MYLK: variants seen among roughly 807,000 people sequenced by gnomAD.
MYLK encodes the protein myosin light chain kinase, smooth muscle.
Under a neutral mutation model 203.4 loss-of-function variants are expected in MYLK, and 106 were observed. The ratio of observed to expected loss-of-function variants is 0.52; its 90% CI spans 0.45 to 0.61. The LOEUF (loss-of-function observed/expected upper bound fraction) is 0.61, where lower values mean the gene tolerates loss of function less well. MYLK is among the 20% of genes least tolerant of loss of function. The pLI, the probability that MYLK is intolerant of heterozygous loss-of-function variation, is 0.00. For synonymous variants in MYLK, 867 were observed against 959.5 expected, an observed-to-expected ratio of 0.90 and a Z score of 1.78; for missense variants, 2,072 against 2,442.3, an observed-to-expected ratio of 0.85 and a Z score of 3.20.
intron 2 of MYLK, among the ~76,000 whole-genome samples, chr3:123,873,401 T>C (rs2148714276): frequency 6.6e-6 from 1 of 152,242 alleles, no homozygotes; most frequent in East Asian, 1.9e-4. Flanking sequence ...ATGATGTCTG[T>C]TTTCACCACT....
At chr3:123,858,673 A>T (rs972987865) in intron 2 of MYLK, among the ~76,000 whole-genome samples, 3 of 152,024 alleles carry the variant, frequency 2.0e-5, no homozygotes, top group African/African-American at 7.2e-5. Context: ...CTATTCATTA[A>T]CCTATTAATC....
chr3:123,806,081 T>C lies in MYLK; in HGVS notation c.-3-12237A>G, dbSNP rs550277547. ...AATAGATTATTAATTCATGCTTTTA[T>C]TTTTATTTTATTTTTTAATTCATGC... On this transcript the variant is annotated intron_variant, in intron 3 of 33. Transcript: ENST00000360304. Among the ~76,000 whole-genome samples, 8 of 151,692 alleles carry C rather than the reference T, an allele frequency of 5.3e-5. No individual in the cohort carries two copies. In the East Asian group the frequency reaches 1.5e-3, roughly 29 times the overall value.
At chr3:123,777,625 G>A (rs1222339205) in intron 4 of MYLK, among the ~76,000 whole-genome samples, 4 of 152,232 alleles carry the variant, frequency 2.6e-5, no homozygotes, top group Non-Finnish European at 5.9e-5. Context: ...ATGAGGCGAA[G>A]AGCAGTGAGA....
chr3:123,637,004 C>T (rs569539935), intron 29 of MYLK, among the ~76,000 whole-genome samples: 1 of 152,322 alleles, frequency 6.6e-6, no homozygotes, highest in South Asian at 2.1e-4. Context: ...CCTGGCTATG[C>T]ATCAGAATCG....
chr3:123,662,518 A>G (rs1414217473), intron 23 of MYLK, among the ~76,000 whole-genome samples: 3 of 152,200 alleles, frequency 2.0e-5, no homozygotes, highest in African/African-American at 7.2e-5. Flanking sequence ...AATAGAGTCG[A>G]GGAATCAGAA....
At chr3:123,635,331 C>T (rs896747958) in intron 29 of MYLK, among the ~76,000 whole-genome samples, 3 of 152,236 alleles carry the variant, frequency 2.0e-5, no homozygotes, top group Non-Finnish European at 4.4e-5. Flanking sequence ...ATCTCCTTGG[C>T]GCCAATGTTT....
At chr3:123,710,423 T>C (rs2061645770) in intron 13 of MYLK, among the ~76,000 whole-genome samples, 1 of 152,216 alleles carries the variant, frequency 6.6e-6, no homozygotes, top group African/African-American at 2.4e-5. Flanking sequence ...ACAATACATC[T>C]TGGTGTCTCT....
At chr3:123,716,256 C>T (rs1397725787) in intron 13 of MYLK, 1 of 152,244 alleles carries the variant, frequency 6.6e-6, no homozygotes, top group Non-Finnish European at 1.5e-5. Context: ...ACAGCCCCTT[C>T]CCATTTCCAG....
At position 123,734,051 on chromosome 3, in the gene MYLK, C is replaced by CT; in HGVS notation, c.944dup (p.Pro316AlafsTer85). The CT allele has an allele frequency of 6.2e-7, 1 of 1,613,950 alleles. No homozygotes were observed. The highest frequency in any genetic ancestry group is 2.2e-5 in the East Asian group (1 of 44,864). ...ACTCCAGCTTGGACTCCCTTGGGGG[C>CT]TGAGGCTGGCTGTTTGCAGCCCAGG... On this transcript the variant is annotated frameshift_variant, in exon 10 of 34. Transcript: ENST00000360304. LOFTEE classifies it high-confidence loss of function.
intron 2 of MYLK, among the ~76,000 whole-genome samples, chr3:123,875,521 T>C (rs561973498): frequency 1.3e-5 from 2 of 152,350 alleles, no homozygotes; most frequent in East Asian, 3.9e-4. Context: ...GGAGCTCTTC[T>C]GTATCTCAAT....
chr3:123,714,141 C>T (rs916531877), intron 13 of MYLK, among the ~76,000 whole-genome samples: 1 of 152,294 alleles, frequency 6.6e-6, no homozygotes, highest in East Asian at 1.9e-4. Context: ...TTCAGTGTTA[C>T]CCTCAACATC....
intron 4 of MYLK, among the ~76,000 whole-genome samples, chr3:123,788,201 C>A (rs574408724): frequency 6.6e-6 from 1 of 152,326 alleles, no homozygotes; most frequent in African/African-American, 2.4e-5. Context: ...CCAGCCTCAT[C>A]TTAATCTCTC....
At chr3:123,758,945 C>T (rs2063447719) in intron 4 of MYLK, among the ~76,000 whole-genome samples, 1 of 152,172 alleles carries the variant, frequency 6.6e-6, no homozygotes, top group Admixed American at 6.5e-5. Flanking sequence ...CTACTTTAAC[C>T]TCCCAAGTAG....
chr3:123,767,921 G>C (rs182591087), intron 4 of MYLK, among the ~76,000 whole-genome samples: 95 of 152,338 alleles, frequency 6.2e-4, no homozygotes, highest in African/African-American at 2.1e-3. Context: ...CTGTAAACTT[G>C]TTACACTCTA....
At chr3:123,824,112 G>A (rs1199814691) in intron 3 of MYLK, among the ~76,000 whole-genome samples, 5 of 147,032 alleles carry the variant, frequency 3.4e-5, no homozygotes, top group South Asian at 2.1e-4. Flanking sequence ...TTTTTGAGAC[G>A]GAGTTTCACT....
At chr3:123,810,860 A>G (rs2065534766) in intron 3 of MYLK, among the ~76,000 whole-genome samples, 1 of 152,174 alleles carries the variant, frequency 6.6e-6, no homozygotes, top group Non-Finnish European at 1.5e-5. Context: ...AGAACAACTG[A>G]TTTTTGCCAT....
intron 2 of MYLK, among the ~76,000 whole-genome samples, chr3:123,876,073 C>T (rs980807069): frequency 6.6e-5 from 10 of 151,932 alleles, no homozygotes; most frequent in African/African-American, 2.4e-4. Flanking sequence ...AAATTGTGGG[C>T]ACATACAAAA....
rs1576792608 is a variant in MYLK at position 123,737,108 on chromosome 3, A to G, written c.754+270T>C. ...GTGGTGTGTGCCTGTAGTCCCAGCC[A>G]CTCAGGAGGCTGAGGCAGGAGAATC... is the stretch of plus-strand genomic sequence containing the variant. On this transcript the variant is annotated intron_variant, in intron 8 of 33. Coordinates refer to ENST00000360304, the MANE Select transcript of MYLK (RefSeq NM_053025.4). The G allele has an allele frequency of 6.4e-6, 3 of 465,444 alleles. No homozygotes were observed. The East Asian group carries it at 1.3e-4, about 20-fold the overall frequency. The allele number at this position is 465,444 out of a possible 1,614,324, so 28.8% of individuals were successfully genotyped here. A position where few individuals can be genotyped will look rare whatever the true frequency, so the allele number is the denominator to read the frequency against.
chr3:123,626,167 A>G (rs2058137787), intron 31 of MYLK, among the ~76,000 whole-genome samples: 1 of 152,212 alleles, frequency 6.6e-6, no homozygotes. Flanking sequence ...CTTCATACCT[A>G]TTAGCGACTG....
Sources: gnomAD v4.1 joint callset for allele counts (sites outside exome capture counted in the v4.1 genomes callset) on GRCh38, gnomAD v4.1.1 for gene constraint, MANE v1.5 for transcripts, NCBI Gene and HGNC (gene_info 2026-07-23, HGNC 2026-07-21) for gene names.